Variants in TRAM1 observed in about 807,000 individuals in gnomAD.
The protein encoded by TRAM1 is translocating chain-associated membrane protein 1.
In TRAM1, 17 loss-of-function variants were observed where a neutral mutation model predicts 48.7. The ratio of observed to expected loss-of-function variants is 0.35; its 90% CI spans 0.24 to 0.52. TRAM1 has a LOEUF of 0.52. Among genes scored for constraint, TRAM1 ranks in the 20% least tolerant of loss-of-function variants. The pLI, the probability that TRAM1 is intolerant of heterozygous loss-of-function variation, is 0.94. For synonymous variants in TRAM1, 182 were observed against 154.0 expected, an observed-to-expected ratio of 1.18 and a Z score of -1.34; for missense variants, 351 against 441.5, an observed-to-expected ratio of 0.79 and a Z score of 1.84.
At chr8:70,606,734 G>A (rs1169260524) in intron 1 of TRAM1, 2 of 255,318 alleles carry the variant, frequency 7.8e-6, no homozygotes, top group Non-Finnish European at 1.2e-5. Context: ...AAACATGCAT[G>A]ACACAATCAG....
At chr8:70,588,531 A>T (rs924798644) in intron 6 of TRAM1, among the ~76,000 whole-genome samples, 1 of 152,122 alleles carries the variant, frequency 6.6e-6, no homozygotes, top group Admixed American at 6.5e-5. Flanking sequence ...TCAAGGATGC[A>T]GTGAGCTAGG....
rs1185262703 is a variant in TRAM1 at position 70,608,399 on chromosome 8, C to T, written c.-200G>A. 3 of 480,752 alleles carry T rather than the reference C, an allele frequency of 6.2e-6. No individual in the cohort carries two copies. Among genetic ancestry groups the T allele is most frequent in the Non-Finnish European group, 1.0e-5 (3 of 295,468 alleles). The allele number at this position is 480,752 out of a possible 1,614,324, so 29.8% of individuals were successfully genotyped here. A position where few individuals can be genotyped will look rare whatever the true frequency, so the allele number is the denominator to read the frequency against. ...AAAAAAAAAAACACAACAGCTAGCCCGCAGCGGGGGCGAGCATGCGCACCA... is the reference window on the plus strand; with the variant it reads ...AAAAAAAAAAACACAACAGCTAGCCTGCAGCGGGGGCGAGCATGCGCACCA... On this transcript the variant is annotated 5_prime_UTR_variant, in exon 1 of 11. Transcript: ENST00000262213.
intron 1 of TRAM1, chr8:70,607,442 C>G (rs1408142043): frequency 1.0e-6 from 1 of 985,386 alleles, no homozygotes; most frequent in Non-Finnish European, 1.2e-6. Flanking sequence ...TGAAAACAAT[C>G]TGGCGCGCCT....
intron 6 of TRAM1, among the ~76,000 whole-genome samples, chr8:70,591,391 C>T (rs925042716): frequency 2.0e-5 from 3 of 152,170 alleles, no homozygotes; most frequent in Non-Finnish European, 4.4e-5. Context: ...CCCGATGGCA[C>T]GGTGTTCACA....
At chr8:70,599,632 T>A (rs144919241) in intron 2 of TRAM1, among the ~76,000 whole-genome samples, 1 of 152,278 alleles carries the variant, frequency 6.6e-6, no homozygotes, top group Non-Finnish European at 1.5e-5. Context: ...CTATTACAGG[T>A]CCAAAATGTA....
At chr8:70,601,413 A>G (rs903078539) in intron 1 of TRAM1, among the ~76,000 whole-genome samples, 57 of 152,320 alleles carry the variant, frequency 3.7e-4, no homozygotes, top group African/African-American at 1.3e-3. Context: ...GTCTTCCTAG[A>G]GTAGGTCATT....
rs1186796272 is a variant in TRAM1 at position 70,608,167 on chromosome 8, G to A, written c.33C>T (p.Pro11=). 4 of 1,594,306 alleles carry A rather than the reference G, an allele frequency of 2.5e-6. No homozygotes were observed. Among genetic ancestry groups the A allele is most frequent in the Middle Eastern group, 1.7e-4 (1 of 6,010 alleles). The change falls in exon 1 of 11, where the codon CCC becomes CCT. Residue 11 remains proline, a synonymous_variant. Coordinates refer to ENST00000262213, the MANE Select transcript of TRAM1 (RefSeq NM_014294.6). The part of the protein sequence containing the change: MAIRKKSTKS[P]PVLSHEFVLQ... The stretch of plus-strand genomic sequence containing the variant: ...GGACGAATTCGTGGCTCAGCACTGG[G>A]GGGCTCTTGGTGCTTTTCTTGCGAA...
intron 1 of TRAM1, chr8:70,606,835 A>G: frequency 1.1e-6 from 1 of 952,054 alleles, no homozygotes. Context: ...TAAAATTAAA[A>G]AAAAAAACAA....
At chr8:70,577,935 T>A (rs1198815571) in intron 10 of TRAM1, among the ~76,000 whole-genome samples, 2 of 152,244 alleles carry the variant, frequency 1.3e-5, no homozygotes, top group Non-Finnish European at 2.9e-5. Context: ...TGCTGGTGCC[T>A]AGAGCTGCCT....
chr8:70,600,895 T>C (rs268594), intron 1 of TRAM1, among the ~76,000 whole-genome samples: 99,444 of 151,888 alleles, frequency 0.65, 34,292 homozygotes, highest in Middle Eastern at 0.76. Flanking sequence ...ACAGTACAGA[T>C]AGAAGAAACA....
chr8:70,597,239 A>G (rs988780358), intron 4 of TRAM1, among the ~76,000 whole-genome samples: 2 of 152,230 alleles, frequency 1.3e-5, no homozygotes, highest in Non-Finnish European at 2.9e-5. Flanking sequence ...TTTGATTGCC[A>G]TAACTGAAAA....
chr8:70,600,078 G>A lies in TRAM1; in HGVS notation c.128C>T (p.Thr43Met), dbSNP rs1817574161. The A allele has an allele frequency of 1.9e-6, 3 of 1,613,140 alleles. No homozygotes were observed. The highest frequency in any genetic ancestry group is 2.5e-6 in the Non-Finnish European group (3 of 1,179,302). Reference protein sequence around the residue: ...VFLLGLMFEITAKASIIFVTL... With the variant: ...VFLLGLMFEIMAKASIIFVTL... ...AACAAAAATGATAGAAGCTTTTGCC[G>A]TTATCTACAAAGAAGGAAAAACAAA... Residue 43 changes from threonine to methionine, a missense_variant, in exon 2 of 11, where the codon ACG becomes ATG. By Grantham distance (81) the Thr-to-Met change is moderately conservative (BLOSUM62 -1). Transcript: ENST00000262213.
intron 10 of TRAM1, among the ~76,000 whole-genome samples, chr8:70,582,286 A>G (rs1460097953): frequency 1.3e-5 from 2 of 150,026 alleles, no homozygotes; most frequent in Non-Finnish European, 3.0e-5. Context: ...ACCAGGTTGT[A>G]TAATTTTTTT....
At chr8:70,575,238 G>C (rs1816921363) in intron 10 of TRAM1, among the ~76,000 whole-genome samples, 1 of 152,228 alleles carries the variant, frequency 6.6e-6, no homozygotes, top group Non-Finnish European at 1.5e-5. Context: ...TGACAGCACA[G>C]AAAACTATAA....
chr8:70,581,022 A>G, intron 10 of TRAM1, among the ~76,000 whole-genome samples: 1 of 152,242 alleles, frequency 6.6e-6, no homozygotes, highest in Non-Finnish European at 1.5e-5. Context: ...AAAGCAACCT[A>G]CAAATTGAAG....
At chr8:70,575,687 G>A (rs1586747671) in intron 10 of TRAM1, among the ~76,000 whole-genome samples, 1 of 152,148 alleles carries the variant, frequency 6.6e-6, no homozygotes, top group Non-Finnish European at 1.5e-5. Context: ...GATGTTTGAG[G>A]CGGGGGCAAT....
chr8:70,578,219 C>A (rs552819845), intron 10 of TRAM1, among the ~76,000 whole-genome samples: 19 of 152,334 alleles, frequency 1.2e-4, no homozygotes, highest in African/African-American at 4.1e-4. Context: ...AAGGGATCCT[C>A]CCACCTCAGC....
At chr8:70,597,683 AAAAAAAAAAG>A (rs1817519612) in intron 4 of TRAM1, among the ~76,000 whole-genome samples, 1 of 150,516 alleles carries the variant, frequency 6.6e-6, no homozygotes, top group South Asian at 2.1e-4. Context: ...AAAAAAAAAA[AAAAAAAAAAG>A]AAAGATATAA....
intron 10 of TRAM1, among the ~76,000 whole-genome samples, chr8:70,576,218 C>T (rs1816950479): frequency 1.3e-5 from 2 of 151,814 alleles, no homozygotes; most frequent in African/African-American, 4.8e-5. Context: ...ATCAATGCTC[C>T]AAAGATCCAT....
Sources: gnomAD v4.1 joint callset for allele counts (sites outside exome capture counted in the v4.1 genomes callset) on GRCh38, gnomAD v4.1.1 for gene constraint, MANE v1.5 for transcripts, NCBI Gene and HGNC (gene_info 2026-07-23, HGNC 2026-07-21) for gene names.